Variants in DZIP1 observed in about 807,000 individuals in gnomAD.
DZIP1 encodes cilium assembly protein DZIP1.
Under a neutral mutation model 107.6 loss-of-function variants are expected in DZIP1, and 97 were observed. The observed-to-expected ratio is 0.90, with a 90% CI of 0.77 to 1.07. The LOEUF is 1.07. Ranked by LOEUF, DZIP1 falls within the 50% of genes least tolerant of loss-of-function variation. The pLI is 0.00. For missense variants in DZIP1, 1,035 were observed against 1,063.6 expected, an observed-to-expected ratio of 0.97 and a Z score of 0.37; for synonymous variants, 390 against 386.4, an observed-to-expected ratio of 1.01 and a Z score of -0.11.
chr13:95,614,143 A>T (rs1333903058), intron 10 of DZIP1, among the ~76,000 whole-genome samples: 1 of 151,880 alleles, frequency 6.6e-6, no homozygotes, highest in Non-Finnish European at 1.5e-5. Flanking sequence ...AAAAAAAAAA[A>T]AAAAGCAGTG....
chr13:95,595,788 G>A (rs140675866), intron 15 of DZIP1, among the ~76,000 whole-genome samples: 600 of 152,236 alleles, frequency 3.9e-3, no homozygotes, highest in Non-Finnish European at 7.0e-3. Flanking sequence ...ACACAGAAGC[G>A]TTGCCTAAAA....
chr13:95,597,313 C>T (rs55649836), intron 15 of DZIP1, among the ~76,000 whole-genome samples: 2,761 of 152,066 alleles, frequency 0.018, 79 homozygotes, highest in African/African-American at 0.062. Context: ...TGAAAGTACG[C>T]GACGTTTTCT....
Position 95,584,828 on chromosome 13 carries a change from T to C in DZIP1, c.2432A>G (p.Gln811Arg), listed in dbSNP as rs775539765. 9 of 1,614,174 alleles carry C rather than the reference T, an allele frequency of 5.6e-6. No homozygotes were observed. In the South Asian group the frequency reaches 7.7e-5, roughly 14 times the overall value. ...ISLGKKSGKE[Q>R]KEPPPAKNEP... Reference sequence around the variant, plus strand: ...ATTTTTCGCAGGTGGAGGTTCCTTCTGTTCTTTCCCAGATTTTTTTCCCAA... The same window carrying C: ...ATTTTTCGCAGGTGGAGGTTCCTTCCGTTCTTTCCCAGATTTTTTTCCCAA... The change falls in exon 22 of 23, where the codon CAG (glutamine) becomes CGG (arginine). Residue 811 changes from glutamine to arginine, a missense_variant. Transcript: ENST00000376829.
intron 5 of DZIP1, among the ~76,000 whole-genome samples, chr13:95,635,198 C>CTTTTTT (rs141715380): frequency 2.2e-5 from 3 of 133,384 alleles, no homozygotes; most frequent in Admixed American, 7.7e-5. Flanking sequence ...TGCATATTTC[C>CTTTTTT]TTTTTTTTTT....
chr13:95,593,085 G>T (rs4600323), intron 16 of DZIP1, among the ~76,000 whole-genome samples: 1 of 152,232 alleles, frequency 6.6e-6, no homozygotes, highest in African/African-American at 2.4e-5. Context: ...CATCTATATA[G>T]ATAAAATTAT....
At position 95,630,564 on chromosome 13, in the gene DZIP1, C is replaced by CAT. The variant is rs1340419979; in HGVS notation, c.686-452_686-451insAT. 3,239 of 352,980 alleles carry CAT rather than the reference C, an allele frequency of 9.2e-3. 21 individuals carry two copies. The highest frequency in any genetic ancestry group is 0.013 in the Admixed American group (254 of 19,364). 21.9% of individuals were successfully genotyped at this position (352,980 alleles called of 1,614,324 possible). ...TGCCCGCTGAACTCTTCTGAGGACC[C>CAT]CATCAGTGCTAATACAAGCAGAGGA... On this transcript the variant is annotated intron_variant, in intron 6 of 22. Coordinates refer to ENST00000376829, the MANE Select transcript of DZIP1 (RefSeq NM_198968.4).
intron 8 of DZIP1, among the ~76,000 whole-genome samples, 197 bp from the exon 9 acceptor site, chr13:95,622,677 A>T (rs1449383053): frequency 6.6e-6 from 1 of 151,608 alleles, no homozygotes; most frequent in Non-Finnish European, 1.5e-5. Flanking sequence ...TGGTCTTCCT[A>T]TCAGAATATG....
At position 95,582,289 on chromosome 13, in the gene DZIP1, G is replaced by C. The variant is rs776589213; in HGVS notation, c.2549C>G (p.Thr850Arg). The C allele has an allele frequency of 6.2e-7, 1 of 1,614,122 alleles. No homozygotes were observed. The highest frequency in any genetic ancestry group is 8.5e-7 in the Non-Finnish European group (1 of 1,179,984). The change falls in exon 23 of 23, where the codon ACA becomes AGA. Residue 850 changes from threonine to arginine, a missense_variant. Physicochemically the swap from Thr to Arg is moderately conservative, Grantham distance 71. Transcript: ENST00000376829. ...GEGLQENESS[T>R]LKSSLVTVTD... ...CACAGTTACTAAGCTGCTTTTTAAT[G>C]TGCTTGATTCATTTTCTTGAAGTCC... is the stretch of plus-strand genomic sequence containing the variant.
chr13:95,620,158 T>C (rs1487144709), intron 9 of DZIP1, among the ~76,000 whole-genome samples: 5 of 152,200 alleles, frequency 3.3e-5, no homozygotes, highest in Non-Finnish European at 7.3e-5. Flanking sequence ...GGGGGTGGAC[T>C]TCCCCCTTGC....
intron 5 of DZIP1, among the ~76,000 whole-genome samples, chr13:95,635,198 C>CTTTTTTTT (rs141715380): frequency 7.5e-6 from 1 of 133,382 alleles, no homozygotes; most frequent in Non-Finnish European, 1.6e-5. Context: ...TGCATATTTC[C>CTTTTTTTT]TTTTTTTTTT....
In DZIP1 at chr13:95,639,417, C is replaced by T. The variant is rs1878211772; in HGVS notation, c.597+1878G>A. Among the ~76,000 whole-genome samples, 5 of 151,928 alleles carry T rather than the reference C, an allele frequency of 3.3e-5. No homozygotes were observed. The South Asian group carries it at 8.3e-4, about 25-fold the overall frequency. ...ACCAGCCTGGCCAACACGGTGAAAC[C>T]TCGTCTCTACTAAAAATACAAAAAT... On this transcript the variant is annotated intron_variant, in intron 5 of 22. Coordinates refer to ENST00000376829, the MANE Select transcript of DZIP1 (RefSeq NM_198968.4).
At chr13:95,585,410 T>C (rs548633939) in intron 21 of DZIP1, among the ~76,000 whole-genome samples, 11 of 152,364 alleles carry the variant, frequency 7.2e-5, no homozygotes, top group Admixed American at 5.9e-4. Context: ...TTTTGGCTTG[T>C]GTAACACAAA....
intron 5 of DZIP1, among the ~76,000 whole-genome samples, chr13:95,635,403 G>T (rs1877682336): frequency 1.3e-5 from 2 of 152,002 alleles, no homozygotes; most frequent in Admixed American, 6.5e-5. Flanking sequence ...CACCATGTTG[G>T]CCAGGCTGGG....
At chr13:95,630,942 T>C (rs1877122111) in intron 6 of DZIP1, 1 of 302,066 alleles carries the variant, frequency 3.3e-6, no homozygotes, top group Non-Finnish European at 6.5e-6. Flanking sequence ...AATTAAAATA[T>C]TTCATCTTTC....
At chr13:95,624,120 G>A (rs1876243646) in intron 8 of DZIP1, among the ~76,000 whole-genome samples, 1 of 152,106 alleles carries the variant, frequency 6.6e-6, no homozygotes, top group Non-Finnish European at 1.5e-5. Context: ...AAACTTGTTG[G>A]CCCCTAGAGG....
intron 10 of DZIP1, among the ~76,000 whole-genome samples, chr13:95,614,255 C>T (rs1874770096): frequency 6.6e-6 from 1 of 151,924 alleles, no homozygotes; most frequent in Non-Finnish European, 1.5e-5. Flanking sequence ...CCGAGTGAAA[C>T]CTAAAAAGAA....
chr13:95,610,111 T>TGTGTGTGTGTGTGA lies in DZIP1; in HGVS notation c.1364-599_1364-598insTCACACACACACAC, dbSNP rs368276400. Among the ~76,000 whole-genome samples the TGTGTGTGTGTGTGA allele has an allele frequency of 2.4e-3, 302 of 126,720 alleles. 4 individuals carry two copies. The highest frequency in any genetic ancestry group is 8.3e-3 in the Middle Eastern group (2 of 242). 83.1% of individuals were successfully genotyped at this position (126,720 alleles called of 152,430 possible). The stretch of plus-strand genomic sequence containing the variant: ...GTGTGTGTGTGTGTGTGTGTGTGTG[T>TGTGTGTGTGTGTGA]GAGAGAGAGACAGAGAGAGAGAGAC... On this transcript the variant is annotated intron_variant, in intron 12 of 22. Coordinates refer to ENST00000376829, the MANE Select transcript of DZIP1 (RefSeq NM_198968.4).
chr13:95,619,810 T>G (rs1206718762), intron 10 of DZIP1, 75 bp downstream of exon 10: 3 of 1,445,886 alleles, frequency 2.1e-6, no homozygotes, highest in African/African-American at 2.8e-5. Flanking sequence ...GGACAAATAT[T>G]ATGTTTATTA....
intron 15 of DZIP1, among the ~76,000 whole-genome samples, chr13:95,595,874 G>A (rs2044440827): frequency 6.6e-6 from 1 of 152,200 alleles, no homozygotes; most frequent in Non-Finnish European, 1.5e-5. Context: ...TGACTTGGTT[G>A]CAGTTAGAAG....
Sources: gnomAD v4.1 joint callset for allele counts (sites outside exome capture counted in the v4.1 genomes callset) on GRCh38, gnomAD v4.1.1 for gene constraint, MANE v1.5 for transcripts, NCBI Gene and HGNC (gene_info 2026-07-23, HGNC 2026-07-21) for gene names.